FHIT: variants seen among roughly 807,000 people sequenced by gnomAD.
FHIT encodes bis(5'-adenosyl)-triphosphatase.
Under a neutral mutation model 17.9 loss-of-function variants are expected in FHIT, and 19 were observed. That is an observed-to-expected ratio of 1.06 (90% CI 0.74 to 1.56). The LOEUF (loss-of-function observed/expected upper bound fraction) is 1.56, where lower values mean the gene tolerates loss of function less well. Ranked by LOEUF, FHIT falls within the 40% of genes most tolerant of loss-of-function variation. The pLI is 0.00. For synonymous variants in FHIT, 81 were observed against 69.7 expected (o/e 1.16, Z -0.81); for missense variants, 248 against 189.2 (o/e 1.31, Z -1.82).
In FHIT at chr3:60,197,346, T is replaced by C. The variant is rs549769640; in HGVS notation, c.104-183194A>G. On this transcript the variant is annotated intron_variant, in intron 5 of 9. Coordinates refer to ENST00000492590, the MANE Select transcript of FHIT (RefSeq NM_002012.4). ...ATTTAAAATTTCTTATTGATTTGCA[T>C]GTTGAAATAATAGGATACAGTGGGT... 2.0e-5 allele frequency among the ~76,000 whole-genome samples: 3 copies of C among 152,306 alleles called. No individual in the cohort carries two copies. The South Asian group carries it at 6.2e-4, about 32-fold the overall frequency.
intron 4 of FHIT, among the ~76,000 whole-genome samples, chr3:60,599,537 A>G (rs980199154): frequency 6.6e-6 from 1 of 152,188 alleles, no homozygotes; most frequent in African/African-American, 2.4e-5. Flanking sequence ...TATCAGAAAC[A>G]TCATCACAGT....
chr3:60,460,401 G>T (rs1196053798), intron 5 of FHIT, among the ~76,000 whole-genome samples: 1 of 150,808 alleles, frequency 6.6e-6, no homozygotes, highest in Non-Finnish European at 1.5e-5. Context: ...TTTAAAATTT[G>T]CTTTTATATT....
At chr3:60,485,116 T>C (rs527857718) in intron 5 of FHIT, among the ~76,000 whole-genome samples, 1 of 152,138 alleles carries the variant, frequency 6.6e-6, no homozygotes, top group East Asian at 1.9e-4. Context: ...CCATCTGAAG[T>C]CAGTCAGAAT....
intron 4 of FHIT, among the ~76,000 whole-genome samples, chr3:60,671,544 G>C (rs914338200): frequency 3.8e-4 from 58 of 151,922 alleles, no homozygotes; most frequent in African/African-American, 1.4e-3. Flanking sequence ...AATTACTTCA[G>C]TTTTCATATA....
chr3:60,912,864 A>G (rs561257598), intron 3 of FHIT: 2 of 480,024 alleles, frequency 4.2e-6, no homozygotes, highest in Non-Finnish European at 8.2e-6. Context: ...CACCCCTTTG[A>G]GTCACTCATC....
intron 4 of FHIT, among the ~76,000 whole-genome samples, chr3:60,600,844 G>C (rs972455234): frequency 5.3e-5 from 8 of 152,160 alleles, no homozygotes; most frequent in Non-Finnish European, 1.5e-5. Context: ...CTTTTTATGA[G>C]AAGATGCCCC....
At chr3:59,768,791 ATTATG>A (rs1701929112) in intron 8 of FHIT, among the ~76,000 whole-genome samples, 1 of 152,264 alleles carries the variant, frequency 6.6e-6, no homozygotes, top group Non-Finnish European at 1.5e-5. Flanking sequence ...TAAGAGTTTA[ATTATG>A]TTATGTAAAC....
In FHIT at chr3:60,874,311, G is replaced by A. The variant is rs150699415; in HGVS notation, c.-110-52300C>T. ...ACGCCAACACTCCTCAAAGAAAACA[G>A]TTCTGAAAAGGCTGTGTGCATCCTA... On this transcript the variant is annotated intron_variant, in intron 3 of 9. Transcript: ENST00000492590. Among the ~76,000 whole-genome samples the A allele has an allele frequency of 3.2e-3, 481 of 152,280 alleles. 3 individuals are homozygous for A. The highest frequency in any genetic ancestry group is 0.011 in the African/African-American group (453 of 41,580).
chr3:60,115,015 C>G (rs918604214), intron 5 of FHIT, among the ~76,000 whole-genome samples: 1 of 152,058 alleles, frequency 6.6e-6, no homozygotes, highest in Non-Finnish European at 1.5e-5. Flanking sequence ...ACATTGTTTT[C>G]TCATCTCATG....
At chr3:60,307,334 T>A (rs1022629379) in intron 5 of FHIT, among the ~76,000 whole-genome samples, 2 of 152,056 alleles carry the variant, frequency 1.3e-5, no homozygotes, top group African/African-American at 4.8e-5. Flanking sequence ...ACTCCCTAAT[T>A]CCAATAGACA....
intron 4 of FHIT, among the ~76,000 whole-genome samples, chr3:60,814,163 CT>C (rs1442107420): frequency 3.3e-5 from 5 of 151,870 alleles, no homozygotes; most frequent in African/African-American, 7.2e-5. Flanking sequence ...GGGCTTAGGT[CT>C]TTTTAAAAAA....
intron 3 of FHIT, among the ~76,000 whole-genome samples, chr3:61,011,859 A>G (rs1055948945): frequency 1.9e-4 from 29 of 152,188 alleles, no homozygotes; most frequent in Non-Finnish European, 3.1e-4. Flanking sequence ...CCTCCTCACC[A>G]TATCAGCCAA....
Position 60,589,246 on chromosome 3 carries a change from G to A in FHIT, c.-17-52267C>T, listed in dbSNP as rs568172386. On this transcript the variant is annotated intron_variant, in intron 4 of 9. Transcript: ENST00000492590. ...CACAGGGCAACACATTCAAACAGAT[G>A]CAAAGCACGTGGAGTGAAAAGTGAG... is the stretch of plus-strand genomic sequence containing the variant. 3.9e-5 allele frequency among the ~76,000 whole-genome samples: 6 copies of A among 152,178 alleles called. 1 individual carries two copies. In the South Asian group the frequency reaches 1.2e-3, roughly 32 times the overall value.
chr3:60,225,365 A>G (rs1383724992), intron 5 of FHIT, among the ~76,000 whole-genome samples: 2 of 152,194 alleles, frequency 1.3e-5, no homozygotes, highest in Admixed American at 1.3e-4. Flanking sequence ...AAAATTTGAG[A>G]GTTGTGAGAT....
At chr3:60,220,584 G>GA in intron 5 of FHIT, among the ~76,000 whole-genome samples, 1 of 152,150 alleles carries the variant, frequency 6.6e-6, no homozygotes. Context: ...ATATTCAGCA[G>GA]AAAAAATTAA....
intron 5 of FHIT, among the ~76,000 whole-genome samples, chr3:60,462,221 A>C (rs1451002092): frequency 2.6e-5 from 4 of 152,206 alleles, no homozygotes; most frequent in African/African-American, 9.6e-5. Flanking sequence ...CATTCTAGAC[A>C]TCAGCTGCCG....
chr3:60,857,126 A>T (rs1703421026), intron 3 of FHIT, among the ~76,000 whole-genome samples: 1 of 152,144 alleles, frequency 6.6e-6, no homozygotes, highest in South Asian at 2.1e-4. Flanking sequence ...CTGAACATAC[A>T]TACAATAAAT....
chr3:60,622,117 G>T (rs2039149534), intron 4 of FHIT, among the ~76,000 whole-genome samples: 1 of 152,114 alleles, frequency 6.6e-6, no homozygotes, highest in Non-Finnish European at 1.5e-5. Flanking sequence ...CTCAATGATT[G>T]GTGATGGAGT....
intron 5 of FHIT, among the ~76,000 whole-genome samples, chr3:60,213,088 G>T (rs1215162544): frequency 2.0e-5 from 3 of 152,126 alleles, no homozygotes; most frequent in Non-Finnish European, 2.9e-5. Flanking sequence ...GATTATTCAA[G>T]ATTCCTTGGC....
Sources: allele counts gnomAD v4.1 joint callset (sites outside exome capture counted in the v4.1 genomes callset), GRCh38; gene constraint gnomAD v4.1.1; transcripts MANE v1.5; gene names NCBI Gene and HGNC (gene_info 2026-07-23, HGNC 2026-07-21).